The following USO1 variants were observed in gnomAD, a reference collection of about 807,000 sequenced individuals.
USO1 encodes general vesicular transport factor p115.
Under a neutral mutation model 124.5 loss-of-function variants are expected in USO1, and 57 were observed. That is an observed-to-expected ratio of 0.46 (90% confidence interval 0.37 to 0.57). The LOEUF (loss-of-function observed/expected upper bound fraction) is 0.57, where lower values mean the gene tolerates loss of function less well. Ranked by LOEUF, USO1 falls within the 20% of genes least tolerant of loss-of-function variation. USO1 has a pLI of 0.00. For synonymous variants in USO1, 369 were observed against 362.8 expected, an observed-to-expected ratio of 1.02 and a Z score of -0.19; for missense variants, 900 against 1,040.6, an observed-to-expected ratio of 0.86 and a Z score of 1.86.
At chr4:75,724,946 A>C (rs748038629) in intron 1 of USO1, 61 bp downstream of exon 1, 2 of 1,585,086 alleles carry the variant, frequency 1.3e-6, no homozygotes, top group South Asian at 2.2e-5. Flanking sequence ...GGGACGGAGC[A>C]CTCGGAGACC....
intron 1 of USO1, among the ~76,000 whole-genome samples, chr4:75,728,177 G>C (rs1033461448): frequency 6.6e-6 from 1 of 151,570 alleles, no homozygotes; most frequent in African/African-American, 2.4e-5. Flanking sequence ...TTTTACTTAA[G>C]GGATTTTTTC....
chr4:75,769,161 G>A (rs545419424), intron 4 of USO1, among the ~76,000 whole-genome samples: 1 of 152,250 alleles, frequency 6.6e-6, no homozygotes, highest in East Asian at 1.9e-4. Context: ...ACCTTCATGT[G>A]ACTCTTTTCT....
chr4:75,783,485 G>C (rs955698135), intron 9 of USO1, among the ~76,000 whole-genome samples: 1 of 152,160 alleles, frequency 6.6e-6, no homozygotes, highest in African/African-American at 2.4e-5. Flanking sequence ...GAAGTTCTTT[G>C]AAGTAGTCTA....
chr4:75,733,438 T>C (rs1366695149), intron 1 of USO1, among the ~76,000 whole-genome samples: 1 of 152,192 alleles, frequency 6.6e-6, no homozygotes, highest in Non-Finnish European at 1.5e-5. Flanking sequence ...CAACAGTATA[T>C]AGCATTCCCT....
chr4:75,730,619 T>C (rs1720603640), intron 1 of USO1, among the ~76,000 whole-genome samples: 1 of 152,150 alleles, frequency 6.6e-6, no homozygotes, highest in African/African-American at 2.4e-5. Flanking sequence ...TAGAATTCCT[T>C]ATATACATTT....
chr4:75,748,095 C>CG (rs1721182421), intron 1 of USO1, among the ~76,000 whole-genome samples: 1 of 150,968 alleles, frequency 6.6e-6, no homozygotes, highest in East Asian at 1.9e-4. Context: ...TCAGTAGAGA[C>CG]GGGGTTTCTC....
chr4:75,806,394 TATG>T, intron 19 of USO1, 89 bp from the exon 20 acceptor site: 1 of 1,466,348 alleles, frequency 6.8e-7, no homozygotes, highest in Non-Finnish European at 9.2e-7. Context: ...GGTAAGCACA[TATG>T]ATATAGTTTA....
chr4:75,727,928 A>G (rs1720511505), intron 1 of USO1, among the ~76,000 whole-genome samples: 1 of 146,598 alleles, frequency 6.8e-6, no homozygotes. Flanking sequence ...TACAGTGTGC[A>G]TATATCTTAT....
In USO1 at chr4:75,793,805, C is replaced by A. The variant is rs775919400; in HGVS notation, c.1356C>A (p.Ala452=). 6.2e-7 allele frequency: 1 copy of A among 1,613,960 alleles called. No homozygotes were observed. Among genetic ancestry groups the A allele is most frequent in the Admixed American group, 1.7e-5 (1 of 60,016 alleles). ...VALAHALQEN[A]TQKEQLLRVQ... ...TTGCCCATGCGTTGCAAGAAAATGC[C>A]ACCCAGAAAGAACAGTTGCTCAGGG... Residue 452 remains alanine (A), a synonymous_variant, in exon 13 of 24, where the codon GCC becomes GCA. Transcript: ENST00000514213.
intron 8 of USO1, among the ~76,000 whole-genome samples, chr4:75,779,113 T>A (rs1201111351): frequency 2.0e-5 from 3 of 152,194 alleles, no homozygotes; most frequent in Admixed American, 2.0e-4. Flanking sequence ...AGTGCCCATA[T>A]AAGAGGGCAA....
chr4:75,805,340 A>C, intron 19 of USO1, 37 bp downstream of exon 19: 1 of 1,506,962 alleles, frequency 6.6e-7, no homozygotes. Flanking sequence ...ATAAGAGTTC[A>C]AGAGTGGTTC....
intron 5 of USO1, 106 bp from the exon 6 acceptor site, chr4:75,770,716 T>C: frequency 6.5e-7 from 1 of 1,528,152 alleles, no homozygotes; most frequent in Non-Finnish European, 8.8e-7. Flanking sequence ...TATGCTAAAC[T>C]TCCATGTTTT....
chr4:75,760,258 A>G (rs1270570487), intron 4 of USO1, among the ~76,000 whole-genome samples: 3 of 152,196 alleles, frequency 2.0e-5, no homozygotes, highest in East Asian at 1.9e-4. Flanking sequence ...ACATTGAGAC[A>G]TGTCCTTCAG....
chr4:75,769,334 G>A (rs1204516234), intron 4 of USO1, among the ~76,000 whole-genome samples: 1 of 152,094 alleles, frequency 6.6e-6, no homozygotes, highest in Admixed American at 6.5e-5. Flanking sequence ...GTTTCTGAAG[G>A]ATAAACCCAG....
chr4:75,757,678 T>G, intron 4 of USO1, 105 bp downstream of exon 4: 1 of 1,096,992 alleles, frequency 9.1e-7, no homozygotes, highest in Non-Finnish European at 1.2e-6. Context: ...ATGTATAAGT[T>G]TTTTTACTTT....
intron 13 of USO1, among the ~76,000 whole-genome samples, chr4:75,796,341 CTT>C (rs533041107): frequency 9.8e-6 from 1 of 102,054 alleles, no homozygotes; most frequent in Non-Finnish European, 2.1e-5. Context: ...CCATCATGCT[CTT>C]TTTTTTTTTT....
chr4:75,794,740 G>A (rs1039318579), intron 13 of USO1, among the ~76,000 whole-genome samples: 7 of 152,072 alleles, frequency 4.6e-5, no homozygotes, highest in African/African-American at 1.4e-4. Flanking sequence ...TGCCACACTC[G>A]TTGAATTTTT....
intron 10 of USO1, among the ~76,000 whole-genome samples, chr4:75,789,147 G>A (rs1039702190): frequency 3.3e-5 from 5 of 151,878 alleles, no homozygotes; most frequent in African/African-American, 1.2e-4. Context: ...CTGAACTGTG[G>A]ACCTTTTCCC....
intron 4 of USO1, among the ~76,000 whole-genome samples, chr4:75,758,729 A>T (rs188423658): frequency 0.02 from 3,042 of 152,190 alleles, 36 homozygotes; most frequent in Non-Finnish European, 0.03. Context: ...TTTAAAAAAA[A>T]TTTTTTAAAC....
Sources: gnomAD v4.1 joint callset for allele counts (sites outside exome capture counted in the v4.1 genomes callset) on GRCh38, gnomAD v4.1.1 for gene constraint, MANE v1.5 for transcripts, NCBI Gene and HGNC (gene_info 2026-07-23, HGNC 2026-07-21) for gene names.